ADGRL1: variants seen among roughly 807,000 people sequenced by gnomAD.
ADGRL1 encodes adhesion G protein-coupled receptor L1.
A neutral mutation model predicts 148.9 loss-of-function variants in ADGRL1; 31 were observed. The observed-to-expected ratio is 0.21, with a 90% confidence interval of 0.16 to 0.28. ADGRL1 has a LOEUF of 0.28. Among genes scored for constraint, ADGRL1 ranks in the 10% least tolerant of loss-of-function variants. The pLI is 1.00. For missense variants in ADGRL1, 1,521 were observed against 2,058.8 expected (o/e 0.74, Z 5.05); for synonymous variants, 937 against 900.3 (o/e 1.04, Z -0.73).
At chr19:14,165,605 T>G (rs1424053023) in intron 4 of ADGRL1, among the ~76,000 whole-genome samples, 1 of 57,708 alleles carries the variant, frequency 1.7e-5, no homozygotes, top group Non-Finnish European at 3.2e-5. Flanking sequence ...GCCCTGGCCC[T>G]CGAAGAGAAA....
rs1476334623 is a variant in ADGRL1 at position 14,150,741 on chromosome 19, C to T, written c.*132G>A. On this transcript the variant is annotated 3_prime_UTR_variant, in exon 23 of 23. Coordinates refer to ENST00000361434, the MANE Select transcript of ADGRL1 (RefSeq NM_014921.5). ...AGAGTCCCCTGAGGGGACTGTAGGG[C>T]CCATGGCTGAGGGGCACCTGGAGAG... 6 of 1,117,094 alleles carry T rather than the reference C, an allele frequency of 5.4e-6. No individual in the cohort carries two copies. The highest frequency in any genetic ancestry group is 2.5e-5 in the East Asian group (1 of 39,996). 69.2% of individuals were successfully genotyped at this position (1,117,094 alleles called of 1,614,324 possible).
chr19:14,190,151 T>G (rs1317509629), intron 1 of ADGRL1, among the ~76,000 whole-genome samples: 2 of 152,050 alleles, frequency 1.3e-5, no homozygotes, highest in African/African-American at 4.8e-5. Flanking sequence ...TCTCAAACTC[T>G]TGAGCTCAAG....
chr19:14,204,832 A>C (rs951116042), intron 1 of ADGRL1, among the ~76,000 whole-genome samples: 6 of 151,854 alleles, frequency 4.0e-5, no homozygotes. Flanking sequence ...CATGTTGGGA[A>C]GTGGGATGTG....
intron 11 of ADGRL1, among the ~76,000 whole-genome samples, 165 bp downstream of exon 11, chr19:14,158,925 G>C (rs1474371826): frequency 1.3e-5 from 2 of 152,262 alleles, no homozygotes; most frequent in East Asian, 3.9e-4. Context: ...CTCACCCTTA[G>C]GGCTCTGCAG....
At chr19:14,166,562 CAGAGAGAG>C (rs370519604) in intron 4 of ADGRL1, among the ~76,000 whole-genome samples, 1 of 148,076 alleles carries the variant, frequency 6.8e-6, no homozygotes, top group Admixed American at 6.8e-5. Flanking sequence ...AGGGGAGAGA[CAGAGAGAG>C]AGAGAGAGAG....
rs572947583 is a variant in ADGRL1 at position 14,157,609 on chromosome 19, C to T, written c.2536-149G>A. ...ACCTGGCAGCCCTCACCCCTCTGCA[C>T]GCAGCAATGCGCTCACTTCCTCATG... is the stretch of plus-strand genomic sequence containing the variant. On this transcript the variant is annotated intron_variant, in intron 13 of 22. Transcript: ENST00000361434. The surrounding 1 kb of genome is among the most constrained non-coding windows in gnomAD (Gnocchi z 7.5). 4.2e-4 allele frequency: 330 copies of T among 786,102 alleles called. No homozygotes were observed. The African/African-American group carries it at 4.3e-3, about 10-fold the overall frequency. The allele number at this position is 786,102 out of a possible 1,614,324, so 48.7% of individuals were successfully genotyped here. A position where few individuals can be genotyped will look rare whatever the true frequency, so the allele number is the denominator to read the frequency against.
At chr19:14,169,106 C>T (rs1449575125) in intron 4 of ADGRL1, 1 of 152,284 alleles carries the variant, frequency 6.6e-6, no homozygotes, top group African/African-American at 2.4e-5. Flanking sequence ...GCTTAAAGGG[C>T]ATTGGTAATA....
intron 4 of ADGRL1, among the ~76,000 whole-genome samples, chr19:14,164,096 AC>A (rs1969713181): frequency 6.9e-6 from 1 of 144,906 alleles, no homozygotes; most frequent in East Asian, 2.0e-4. Context: ...CCTGCTCCCC[AC>A]CCCCCACCCA....
At chr19:14,190,148 C>T (rs546574582) in intron 1 of ADGRL1, among the ~76,000 whole-genome samples, 1 of 152,178 alleles carries the variant, frequency 6.6e-6, no homozygotes, top group East Asian at 1.9e-4. Flanking sequence ...TGGTCTCAAA[C>T]TCTTGAGCTC....
chr19:14,156,295 T>A, intron 16 of ADGRL1, 94 bp from the exon 17 acceptor site: 3 of 994,420 alleles, frequency 3.0e-6, no homozygotes, highest in South Asian at 1.4e-5. Flanking sequence ...AAATCTCAGC[T>A]GTGGCCCTCG....
At position 14,162,810 on chromosome 19, in the gene ADGRL1, C is replaced by CT. The variant is rs1405370004; in HGVS notation, c.990_991insA (p.Asp331ArgfsTer38). 1 of 1,614,046 alleles carries CT rather than the reference C, an allele frequency of 6.2e-7. No individual in the cohort carries two copies. Among genetic ancestry groups the CT allele is most frequent in the Admixed American group, 1.7e-5 (1 of 60,022 alleles). Reference sequence around the variant, plus strand: ...ACGCGGTTGCCAGCCGCCTCGCTGTCATCATCCACGTACACGGAACGCAGG... The same window carrying CT: ...ACGCGGTTGCCAGCCGCCTCGCTGTCTATCATCCACGTACACGGAACGCAGG... On this transcript the variant is annotated frameshift_variant, in exon 5 of 23. Transcript: ENST00000361434. LOFTEE classifies it high-confidence loss of function. The surrounding 1 kb of genome is among the most constrained non-coding windows in gnomAD (Gnocchi z 5.4).
At chr19:14,170,941 T>C (rs1970419979) in intron 3 of ADGRL1, 150 bp from the exon 4 acceptor site, 1 of 586,332 alleles carries the variant, frequency 1.7e-6, no homozygotes, top group South Asian at 1.9e-5. Flanking sequence ...TTTGGATCTG[T>C]GTCCATACCC....
Position 14,152,440 on chromosome 19 carries a change from G to A in ADGRL1, c.3521-3C>T. 1 of 1,604,158 alleles carries A rather than the reference G, an allele frequency of 6.2e-7. No homozygotes were observed. Among genetic ancestry groups the A allele is most frequent in the Non-Finnish European group, 8.5e-7 (1 of 1,172,880 alleles). ...CAGCAGGTGGTTCCCCATGGTACCT[G>A]GCCAAAGGATCAGAGGTCACAAGGC... is the stretch of plus-strand genomic sequence containing the variant. On this transcript the variant is annotated splice_region_variant and splice_polypyrimidine_tract_variant and intron_variant, in intron 20 of 22. Transcript: ENST00000361434. The surrounding 1 kb of genome is among the most constrained non-coding windows in gnomAD (Gnocchi z 6.1).
chr19:14,193,190 G>A (rs749413618), intron 1 of ADGRL1, among the ~76,000 whole-genome samples: 30 of 149,054 alleles, frequency 2.0e-4, no homozygotes, highest in Non-Finnish European at 3.7e-4. Flanking sequence ...GGTGGTGGGT[G>A]TCCCCCGGGA....
At chr19:14,199,812 C>A (rs1460897210) in intron 1 of ADGRL1, among the ~76,000 whole-genome samples, 3 of 152,008 alleles carry the variant, frequency 2.0e-5, no homozygotes, top group Non-Finnish European at 2.9e-5. Flanking sequence ...TGGCTCACTG[C>A]AACCTCTGCC....
intron 1 of ADGRL1, among the ~76,000 whole-genome samples, chr19:14,200,208 CTA>C (rs1028104690): frequency 6.6e-6 from 1 of 152,188 alleles, no homozygotes; most frequent in African/African-American, 2.4e-5. Context: ...TGGACCGTGC[CTA>C]TATGTTTGAA....
In ADGRL1 at chr19:14,151,994, G is replaced by C. The variant is rs1968248080; in HGVS notation, c.3667+139C>G. 1.4e-5 allele frequency: 11 copies of C among 805,884 alleles called. No individual in the cohort carries two copies. The South Asian group carries it at 1.6e-4, about 12-fold the overall frequency. The allele number at this position is 805,884 out of a possible 1,614,324, so 49.9% of individuals were successfully genotyped here. ...CATTATCCTCCATTCGGCTGCCAGA[G>C]GCTGTGTGTCGGGGGGTGGGGAAAT... On this transcript the variant is annotated intron_variant, in intron 22 of 22. Transcript: ENST00000361434.
At chr19:14,193,758 C>T (rs560756069) in intron 1 of ADGRL1, among the ~76,000 whole-genome samples, 1 of 152,292 alleles carries the variant, frequency 6.6e-6, no homozygotes, top group East Asian at 1.9e-4. Context: ...CACAGACATG[C>T]ACAGAAGACC....
chr19:14,162,491 T>A lies in ADGRL1; in HGVS notation c.1195+115A>T, dbSNP rs1253724983. Reference sequence around the variant, plus strand: ...TCACATGCTGTGAATTTCCTTTACCTCCCGATCCCCAAGAGCTCACAGGAT... The same window carrying A: ...TCACATGCTGTGAATTTCCTTTACCACCCGATCCCCAAGAGCTCACAGGAT... On this transcript the variant is annotated intron_variant, in intron 5 of 22. Coordinates refer to ENST00000361434, the MANE Select transcript of ADGRL1 (RefSeq NM_014921.5). This position sits in a 1 kb window ranked among gnomAD's most constrained non-coding sequence, Gnocchi z 5.4. The A allele has an allele frequency of 1.1e-6, 1 of 888,564 alleles. No individual in the cohort carries two copies. The highest frequency in any genetic ancestry group is 1.7e-6 in the Non-Finnish European group (1 of 576,372). The allele number at this position is 888,564 out of a possible 1,614,324, so 55.0% of individuals were successfully genotyped here.
Sources: allele counts gnomAD v4.1 joint callset (sites outside exome capture counted in the v4.1 genomes callset), GRCh38; gene constraint gnomAD v4.1.1; non-coding constraint Gnocchi (gnomAD v3.1); transcripts MANE v1.5; gene names NCBI Gene and HGNC (gene_info 2026-07-23, HGNC 2026-07-21).